Variants in VDAC1 observed in about 807,000 individuals in gnomAD.
The protein encoded by VDAC1 is voltage dependent anion channel 1, also known as non-selective voltage-gated ion channel VDAC1.
In VDAC1, 10 loss-of-function variants were observed where a neutral mutation model predicts 34.7. The observed-to-expected ratio is 0.29, with a 90% CI of 0.18 to 0.49. The LOEUF is 0.49. Ranked by LOEUF, VDAC1 falls within the 20% of genes least tolerant of loss-of-function variation. The pLI is 0.99. For missense variants in VDAC1, 230 were observed against 347.9 expected (o/e 0.66, Z 2.69); for synonymous variants, 130 against 136.0 (o/e 0.96, Z 0.30).
chr5:134,072,277 GA>G, the VDAC1 span, among the ~76,000 whole-genome samples: 1 of 152,164 alleles, frequency 6.6e-6, no homozygotes, highest in African/African-American at 2.4e-5. Context: ...ACCAGAGAGA[GA>G]GGGTACCCCA....
the VDAC1 span, among the ~76,000 whole-genome samples, chr5:134,057,984 C>T: frequency 2.0e-5 from 3 of 152,030 alleles, no homozygotes; most frequent in Non-Finnish European, 2.9e-5. Flanking sequence ...GCAATCTCCA[C>T]CTCCTGGGCT....
the VDAC1 span, among the ~76,000 whole-genome samples, chr5:134,097,633 C>T: frequency 6.6e-6 from 1 of 152,190 alleles, no homozygotes; most frequent in Non-Finnish European, 1.5e-5. Context: ...GGTGCTTGGT[C>T]CCGCAGCCCT....
At chr5:134,018,057 C>T in the VDAC1 span, among the ~76,000 whole-genome samples, 1 of 152,188 alleles carries the variant, frequency 6.6e-6, no homozygotes, top group Non-Finnish European at 1.5e-5. Flanking sequence ...TGAAGAAATA[C>T]CTGAGGCTGG....
chr5:134,002,280 T>C (rs1561601452), intron 1 of VDAC1, among the ~76,000 whole-genome samples: 1 of 152,148 alleles, frequency 6.6e-6, no homozygotes, highest in African/African-American at 2.4e-5. Flanking sequence ...TCCCCCACTT[T>C]CTGAGCTACG....
At chr5:134,047,574 G>A in the VDAC1 span, among the ~76,000 whole-genome samples, 4 of 152,236 alleles carry the variant, frequency 2.6e-5, no homozygotes, top group Non-Finnish European at 1.5e-5. Flanking sequence ...GGGCCTCCTG[G>A]GCCCCTCTTG....
chr5:134,065,165 T>C, the VDAC1 span, among the ~76,000 whole-genome samples: 4 of 152,098 alleles, frequency 2.6e-5, no homozygotes, highest in Non-Finnish European at 5.9e-5. Context: ...TAAATTTCTC[T>C]CTAATCATTG....
At chr5:134,043,563 C>T in the VDAC1 span, among the ~76,000 whole-genome samples, 2 of 151,888 alleles carry the variant, frequency 1.3e-5, no homozygotes, top group East Asian at 3.9e-4. Flanking sequence ...AGACAAGGTT[C>T]ACTCTGTTGC....
the VDAC1 span, among the ~76,000 whole-genome samples, chr5:134,086,755 C>T: frequency 6.6e-6 from 1 of 152,122 alleles, no homozygotes; most frequent in African/African-American, 2.4e-5. Flanking sequence ...ATCTCCAGTA[C>T]AGGCAGCACA....
chr5:134,105,316 C>T, the VDAC1 span, among the ~76,000 whole-genome samples: 4 of 152,184 alleles, frequency 2.6e-5, no homozygotes, highest in South Asian at 2.1e-4. Flanking sequence ...AGGAACAGGG[C>T]GAGCTCTCTG....
chr5:134,093,056 C>T, the VDAC1 span, among the ~76,000 whole-genome samples: 7 of 152,236 alleles, frequency 4.6e-5, no homozygotes, highest in African/African-American at 1.4e-4. Flanking sequence ...GACCCTGAGT[C>T]ATAAATCTAC....
the VDAC1 span, among the ~76,000 whole-genome samples, chr5:134,030,312 C>A: frequency 6.6e-6 from 1 of 151,808 alleles, no homozygotes; most frequent in African/African-American, 2.4e-5. Context: ...TATACTCCAG[C>A]CTGGGCAACA....
chr5:134,033,772 C>A, the VDAC1 span, among the ~76,000 whole-genome samples: 1 of 151,544 alleles, frequency 6.6e-6, no homozygotes, highest in Non-Finnish European at 1.5e-5. Flanking sequence ...GCGGGCGGAT[C>A]ACGAGGTCAG....
chr5:134,006,610 G>T (rs1158440954), upstream of VDAC1, among the ~76,000 whole-genome samples: 3 of 151,906 alleles, frequency 2.0e-5, no homozygotes, highest in Non-Finnish European at 2.9e-5. Context: ...GGGCGTGGTG[G>T]CGCGCGCCTG....
At chr5:134,013,010 T>C in the VDAC1 span, among the ~76,000 whole-genome samples, 2 of 152,146 alleles carry the variant, frequency 1.3e-5, no homozygotes, top group African/African-American at 4.8e-5. Flanking sequence ...CCCTATTTAA[T>C]AAATGGTGCT....
At chr5:134,036,171 CAG>C in the VDAC1 span, among the ~76,000 whole-genome samples, 1 of 151,996 alleles carries the variant, frequency 6.6e-6, no homozygotes, top group Admixed American at 6.6e-5. Flanking sequence ...TGATTACAAA[CAG>C]AAAAAATAGT....
At position 133,991,162 on chromosome 5, in the gene VDAC1, G is replaced by A. The variant is rs538629160; in HGVS notation, c.118-8C>T. The A allele has an allele frequency of 6.2e-7, 1 of 1,608,190 alleles. No individual in the cohort carries two copies. The highest frequency in any genetic ancestry group is 1.1e-5 in the South Asian group (1 of 91,076). ...GCCTGAGCTTGTAAATTCCTTCAAA[G>A]GAGAGAGAAGAGTCACAGCCTGCAC... On this transcript the variant is annotated splice_polypyrimidine_tract_variant and splice_region_variant and intron_variant, in intron 3 of 8. Coordinates refer to ENST00000265333, the MANE Select transcript of VDAC1 (RefSeq NM_003374.3).
the VDAC1 span, among the ~76,000 whole-genome samples, chr5:134,081,099 G>A: frequency 0.027 from 4,063 of 150,478 alleles, 64 homozygotes; most frequent in Middle Eastern, 0.056. Context: ...GTGCAATGGC[G>A]CGATCTCAGC....
chr5:133,993,112 A>G (rs1753168009), intron 1 of VDAC1, 94 bp from the exon 2 acceptor site: 2 of 1,292,462 alleles, frequency 1.5e-6, no homozygotes, highest in East Asian at 5.2e-5. Flanking sequence ...AGCAACCAAT[A>G]AAAATCACCT....
the VDAC1 span, among the ~76,000 whole-genome samples, chr5:134,024,054 G>T: frequency 6.6e-6 from 1 of 151,996 alleles, no homozygotes; most frequent in African/African-American, 2.4e-5. Context: ...TGAGGCAGGA[G>T]AATGGCTTGA....
Sources: gnomAD v4.1 joint callset for allele counts (sites outside exome capture counted in the v4.1 genomes callset) on GRCh38, gnomAD v4.1.1 for gene constraint, MANE v1.5 for transcripts, NCBI Gene and HGNC (gene_info 2026-07-23, HGNC 2026-07-21) for gene names.